CNTNAP2: variants seen among roughly 807,000 people sequenced by gnomAD.
The protein encoded by CNTNAP2 is contactin-associated protein-like 2.
In CNTNAP2, 98 loss-of-function variants were observed where a neutral mutation model predicts 155.2. The ratio of observed to expected loss-of-function variants is 0.63; its 90% CI spans 0.54 to 0.75. The LOEUF (loss-of-function observed/expected upper bound fraction) is 0.75, where lower values mean the gene tolerates loss of function less well. CNTNAP2 is among the 30% of genes least tolerant of loss of function. The pLI is 0.00. For missense variants in CNTNAP2, 1,727 were observed against 1,688.1 expected, an observed-to-expected ratio of 1.02 and a Z score of -0.40; for synonymous variants, 651 against 631.2, an observed-to-expected ratio of 1.03 and a Z score of -0.47.
At position 146,204,718 on chromosome 7, in the gene CNTNAP2, A is replaced by C. The variant is rs181070861; in HGVS notation, c.97+87745A>C. ...TATTTAAACTACATTTATAATTCAT[A>C]TTAAAAATATCAGCTCATAATTTTG... On this transcript the variant is annotated intron_variant, in intron 1 of 23. Coordinates refer to ENST00000361727, the MANE Select transcript of CNTNAP2 (RefSeq NM_014141.6). 9.4e-4 allele frequency among the ~76,000 whole-genome samples: 143 copies of C among 152,214 alleles called. 1 individual carries two copies. The highest frequency in any genetic ancestry group is 6.2e-4 in the South Asian group (3 of 4,826).
chr7:146,238,367 A>T (rs2116923977), intron 1 of CNTNAP2, among the ~76,000 whole-genome samples: 2 of 152,316 alleles, frequency 1.3e-5, no homozygotes. Context: ...CCATTAAAAT[A>T]CCTGTTCTAA....
chr7:148,201,827 A>G (rs535814471), intron 18 of CNTNAP2, among the ~76,000 whole-genome samples: 1 of 152,154 alleles, frequency 6.6e-6, no homozygotes, highest in Non-Finnish European at 1.5e-5. Flanking sequence ...AAAAAAAATA[A>G]GACATTAGAA....
chr7:147,817,877 C>A (rs2116616922), intron 13 of CNTNAP2, among the ~76,000 whole-genome samples: 1 of 147,352 alleles, frequency 6.8e-6, no homozygotes, highest in African/African-American at 2.5e-5. Context: ...TGCACTCCAG[C>A]CTGGGCAACA....
intron 1 of CNTNAP2, among the ~76,000 whole-genome samples, chr7:146,416,183 C>G (rs538997756): frequency 6.6e-6 from 1 of 151,506 alleles, no homozygotes; most frequent in Non-Finnish European, 1.5e-5. Context: ...GTTGATCTGA[C>G]AGCACAGCCC....
In CNTNAP2 at chr7:147,523,629, T is replaced by C. The variant is rs141058199; in HGVS notation, c.1777+37588T>C. Among the ~76,000 whole-genome samples, 1,326 of 152,274 alleles carry C rather than the reference T, an allele frequency of 8.7e-3. 12 individuals carry two copies. Among genetic ancestry groups the C allele is most frequent in the Non-Finnish European group, 0.015 (1,007 of 68,016 alleles). On this transcript the variant is annotated intron_variant, in intron 11 of 23. Coordinates refer to ENST00000361727, the MANE Select transcript of CNTNAP2 (RefSeq NM_014141.6). ...CCACACAGCTGAGCCTCCTCCTCTCTGCTTCTGCAGCAGCTTGGGCCCCCT... is the reference window on the plus strand; with the variant it reads ...CCACACAGCTGAGCCTCCTCCTCTCCGCTTCTGCAGCAGCTTGGGCCCCCT...
At chr7:147,922,160 A>T (rs1800293900) in intron 14 of CNTNAP2, among the ~76,000 whole-genome samples, 1 of 152,276 alleles carries the variant, frequency 6.6e-6, no homozygotes, top group South Asian at 2.1e-4. Flanking sequence ...AATTACAAAT[A>T]TCGAAAGGAA....
At chr7:146,370,843 C>T (rs1255395795) in intron 1 of CNTNAP2, among the ~76,000 whole-genome samples, 2 of 152,032 alleles carry the variant, frequency 1.3e-5, no homozygotes, top group African/African-American at 4.8e-5. Flanking sequence ...TTATCCAAAA[C>T]GTGCAAAAGC....
At chr7:148,146,865 A>G (rs915707494) in intron 16 of CNTNAP2, among the ~76,000 whole-genome samples, 9 of 152,338 alleles carry the variant, frequency 5.9e-5, no homozygotes, top group African/African-American at 2.2e-4. Flanking sequence ...CCCAACTTTC[A>G]AAAGAGTATA....
intron 8 of CNTNAP2, among the ~76,000 whole-genome samples, chr7:147,253,792 G>A (rs1182213697): frequency 1.3e-5 from 2 of 152,146 alleles, no homozygotes; most frequent in African/African-American, 2.4e-5. Context: ...TGGACGAGTG[G>A]TCTCTAGGTA....
chr7:146,328,909 A>G (rs1801138401), intron 1 of CNTNAP2, among the ~76,000 whole-genome samples: 1 of 152,142 alleles, frequency 6.6e-6, no homozygotes, highest in African/African-American at 2.4e-5. Flanking sequence ...TTTCTATACC[A>G]CATTTTCTTT....
At chr7:147,656,925 A>G (rs1002864190) in intron 13 of CNTNAP2, among the ~76,000 whole-genome samples, 12 of 152,312 alleles carry the variant, frequency 7.9e-5, no homozygotes, top group East Asian at 7.7e-4. Flanking sequence ...ATCAGTGCCT[A>G]TGTCTCTGTG....
chr7:146,697,559 A>G (rs1800803296), intron 1 of CNTNAP2, among the ~76,000 whole-genome samples: 1 of 151,906 alleles, frequency 6.6e-6, no homozygotes, highest in South Asian at 2.1e-4. Context: ...ATGCCTCATA[A>G]TTTTCCTTAC....
chr7:147,553,087 G>C lies in CNTNAP2; in HGVS notation c.1778-9051G>C, dbSNP rs73744144. 9.2e-3 allele frequency among the ~76,000 whole-genome samples: 1,394 copies of C among 152,310 alleles called. 22 individuals carry two copies. The highest frequency in any genetic ancestry group is 0.032 in the African/African-American group (1,321 of 41,572). On this transcript the variant is annotated intron_variant, in intron 11 of 23. Coordinates refer to ENST00000361727, the MANE Select transcript of CNTNAP2 (RefSeq NM_014141.6). ...GAGAACGTAGTGAAAGCCCAGGGTAGGTATCAGTGACATTCTTGAAGGTGA... is the reference window on the plus strand; with the variant it reads ...GAGAACGTAGTGAAAGCCCAGGGTACGTATCAGTGACATTCTTGAAGGTGA...
Position 146,267,774 on chromosome 7 carries a change from T to G in CNTNAP2, c.97+150801T>G, listed in dbSNP as rs1170714320. 3.9e-5 allele frequency among the ~76,000 whole-genome samples: 6 copies of G among 152,338 alleles called. No individual in the cohort carries two copies. In the East Asian group the frequency reaches 1.2e-3, roughly 29 times the overall value. ...TTGCAAGGCACTGAGTCTACAGTAT[T>G]TTGTTATAGTAGCACTAATGGACTA... On this transcript the variant is annotated intron_variant, in intron 1 of 23. Transcript: ENST00000361727.
At chr7:147,131,441 A>G (rs1801357642) in intron 7 of CNTNAP2, among the ~76,000 whole-genome samples, 1 of 152,042 alleles carries the variant, frequency 6.6e-6, no homozygotes, top group South Asian at 2.1e-4. Context: ...TATACAATTT[A>G]GTGTATCTGA....
At chr7:146,185,761 C>CCTTTTTTTT (rs1554400925) in intron 1 of CNTNAP2, among the ~76,000 whole-genome samples, 2 of 94,888 alleles carry the variant, frequency 2.1e-5, no homozygotes, top group African/African-American at 4.0e-5. Flanking sequence ...TTTTATTATT[C>CCTTTTTTTT]TTTTTTTTTT....
intron 9 of CNTNAP2, among the ~76,000 whole-genome samples, chr7:147,394,854 CTTG>C (rs1357316869): frequency 8.2e-6 from 1 of 121,404 alleles, no homozygotes; most frequent in Non-Finnish European, 1.7e-5. Flanking sequence ...TGTGTTTACT[CTTG>C]TTATTTACTC....
chr7:146,464,305 C>T (rs1796685283), intron 1 of CNTNAP2, among the ~76,000 whole-genome samples: 1 of 151,488 alleles, frequency 6.6e-6, no homozygotes, highest in Admixed American at 6.6e-5. Flanking sequence ...GTCTTTCCTC[C>T]TCCCTATCAG....
chr7:146,306,471 G>A (rs556387440), intron 1 of CNTNAP2, among the ~76,000 whole-genome samples: 1 of 152,248 alleles, frequency 6.6e-6, no homozygotes, highest in African/African-American at 2.4e-5. Context: ...CAATATCCCT[G>A]ATGAACATTG....
Sources: allele counts gnomAD v4.1 joint callset (sites outside exome capture counted in the v4.1 genomes callset), GRCh38; gene constraint gnomAD v4.1.1; transcripts MANE v1.5; gene names NCBI Gene and HGNC (gene_info 2026-07-23, HGNC 2026-07-21).